LDLRAD4: variants seen among roughly 807,000 people sequenced by gnomAD.
LDLRAD4 encodes low-density lipoprotein receptor class A domain-containing protein 4.
LDLRAD4 carries 5 observed loss-of-function variants against 17.0 expected under a neutral mutation model. That is an observed-to-expected ratio of 0.29 (90% CI 0.15 to 0.62). The LOEUF (loss-of-function observed/expected upper bound fraction) is 0.62, where lower values mean the gene tolerates loss of function less well. Ranked by LOEUF, LDLRAD4 falls within the 20% of genes least tolerant of loss-of-function variation. LDLRAD4 has a pLI of 0.84. For synonymous variants in LDLRAD4, 168 were observed against 171.8 expected (o/e 0.98, Z 0.17); for missense variants, 340 against 424.7 (o/e 0.80, Z 1.75).
intron 2 of LDLRAD4, among the ~76,000 whole-genome samples, chr18:13,395,694 T>G (rs1457486911): frequency 2.2e-5 from 1 of 44,972 alleles, no homozygotes; most frequent in African/African-American, 9.4e-5. Context: ...TGGCGTTGGG[T>G]GGGGAGCTGG....
intron 1 of LDLRAD4, among the ~76,000 whole-genome samples, chr18:13,324,940 G>A (rs537072138): frequency 1.6e-4 from 24 of 152,308 alleles, no homozygotes; most frequent in Non-Finnish European, 3.4e-4. Context: ...GGGGTAGAGG[G>A]ACGTCAATTA....
At chr18:13,456,097 CA>C (rs1448564618) in intron 3 of LDLRAD4, among the ~76,000 whole-genome samples, 2 of 152,152 alleles carry the variant, frequency 1.3e-5, no homozygotes, top group Non-Finnish European at 2.9e-5. Context: ...ACACATCTTC[CA>C]AGAACTAAGG....
At chr18:13,235,001 G>A (rs945932038) in intron 1 of LDLRAD4, 2 of 151,984 alleles carry the variant, frequency 1.3e-5, no homozygotes, top group African/African-American at 2.4e-5. Context: ...TGTAATCCTA[G>A]CACTTTGGGA....
chr18:13,372,517 G>A (rs142686527), intron 1 of LDLRAD4, among the ~76,000 whole-genome samples: 2 of 152,326 alleles, frequency 1.3e-5, no homozygotes, highest in African/African-American at 4.8e-5. Flanking sequence ...CACACAACAA[G>A]CAATTATTTA....
chr18:13,350,319 C>T (rs2082965089), intron 1 of LDLRAD4, among the ~76,000 whole-genome samples: 1 of 152,172 alleles, frequency 6.6e-6, no homozygotes, highest in Non-Finnish European at 1.5e-5. Flanking sequence ...TAATAATTCC[C>T]ATTCTGACTT....
intron 1 of LDLRAD4, among the ~76,000 whole-genome samples, chr18:13,304,801 T>A (rs2046813213): frequency 6.6e-6 from 1 of 152,184 alleles, no homozygotes; most frequent in Non-Finnish European, 1.5e-5. Flanking sequence ...CTAAACCTGG[T>A]CCTGCTGTGG....
intron 1 of LDLRAD4, among the ~76,000 whole-genome samples, chr18:13,284,918 G>A (rs1430015349): frequency 6.6e-6 from 1 of 152,212 alleles, no homozygotes; most frequent in Non-Finnish European, 1.5e-5. Flanking sequence ...CAGTGCATCT[G>A]TGAGGGCAGT....
intron 3 of LDLRAD4, among the ~76,000 whole-genome samples, chr18:13,619,529 G>T (rs2040414492): frequency 6.8e-6 from 1 of 147,794 alleles, no homozygotes. Flanking sequence ...GGGGGGCGGG[G>T]GTGGCACATA....
chr18:13,546,626 G>A (rs748482458), intron 3 of LDLRAD4, among the ~76,000 whole-genome samples: 1 of 151,936 alleles, frequency 6.6e-6, no homozygotes, highest in Non-Finnish European at 1.5e-5. Context: ...GCCATGTGAT[G>A]TCACTGAATA....
chr18:13,552,112 A>T (rs2094440475), intron 3 of LDLRAD4, among the ~76,000 whole-genome samples: 1 of 152,096 alleles, frequency 6.6e-6, no homozygotes, highest in African/African-American at 2.4e-5. Context: ...AGAGGATCTC[A>T]TTTCACATGA....
chr18:13,500,799 G>T, intron 3 of LDLRAD4: 1 of 152,240 alleles, frequency 6.6e-6, no homozygotes. Flanking sequence ...CGAGATCATC[G>T]AGGGAACCAG....
At chr18:13,229,669 G>A (rs1423125377) in intron 1 of LDLRAD4, among the ~76,000 whole-genome samples, 2 of 152,216 alleles carry the variant, frequency 1.3e-5, no homozygotes, top group Admixed American at 1.3e-4. Flanking sequence ...GAGGCCCCCA[G>A]GCCCAGAGGT....
In LDLRAD4 at chr18:13,311,919, C is replaced by T. The variant is rs543888411; in HGVS notation, c.-383+33731C>T. On this transcript the variant is annotated intron_variant, in intron 1 of 5. Coordinates refer to ENST00000359446, the Ensembl canonical transcript of LDLRAD4. ...CGATCTTGGCTCACTGCAAGCCTCC[C>T]CTCCCGGGTTCACGCCATTCTCCTG... 3.7e-3 allele frequency among the ~76,000 whole-genome samples: 566 copies of T among 151,996 alleles called. 4 individuals carry two copies. The highest frequency in any genetic ancestry group is 0.02 in the Middle Eastern group (6 of 294).
At chr18:13,351,264 A>G (rs539388059) in intron 1 of LDLRAD4, among the ~76,000 whole-genome samples, 3 of 152,244 alleles carry the variant, frequency 2.0e-5, no homozygotes, top group African/African-American at 7.2e-5. Context: ...ATCTATGAGG[A>G]TGGAATGTTT....
intron 3 of LDLRAD4, among the ~76,000 whole-genome samples, chr18:13,439,346 G>A (rs558362668): frequency 6.6e-5 from 10 of 152,274 alleles, no homozygotes; most frequent in South Asian, 6.2e-4. Flanking sequence ...GGCAAGTTAC[G>A]TATGTCCCCA....
chr18:13,543,159 C>G (rs2094310668), intron 3 of LDLRAD4: 1 of 152,176 alleles, frequency 6.6e-6, no homozygotes, highest in African/African-American at 2.4e-5. Context: ...TCTAAATCCA[C>G]CCCTGAAAGC....
At chr18:13,450,344 A>C (rs1277920354) in intron 3 of LDLRAD4, among the ~76,000 whole-genome samples, 1 of 135,520 alleles carries the variant, frequency 7.4e-6, no homozygotes, top group Non-Finnish European at 1.6e-5. Flanking sequence ...CCCCAAAAAA[A>C]CACACAAGAT....
intron 3 of LDLRAD4, among the ~76,000 whole-genome samples, chr18:13,441,605 T>C (rs2091025736): frequency 6.6e-6 from 1 of 152,220 alleles, no homozygotes; most frequent in African/African-American, 2.4e-5. Context: ...TTCCTGGCCG[T>C]GCCGTTAGCT....
chr18:13,282,746 G>A (rs1024894621), intron 1 of LDLRAD4, among the ~76,000 whole-genome samples: 1 of 152,196 alleles, frequency 6.6e-6, no homozygotes, highest in African/African-American at 2.4e-5. Context: ...TCTGTGGTCT[G>A]GAGGATGGTG....
Sources: allele counts gnomAD v4.1 joint callset (sites outside exome capture counted in the v4.1 genomes callset), GRCh38; gene constraint gnomAD v4.1.1; transcripts MANE v1.5; gene names NCBI Gene and HGNC (gene_info 2026-07-23, HGNC 2026-07-21).